Variants in LRRC53 observed in about 807,000 individuals in gnomAD.
LRRC53 encodes leucine-rich repeat-containing protein 53.
In LRRC53, 25 loss-of-function variants were observed where a neutral mutation model predicts 13.6. That is an observed-to-expected ratio of 1.83 (90% confidence interval 1.34 to 2.56). The LOEUF is 2.56. LRRC53 is among the 30% of genes most tolerant of loss of function. The pLI is 0.00. For missense variants in LRRC53, 527 were observed against 275.8 expected (o/e 1.91, Z -6.45); for synonymous variants, 204 against 109.8 (o/e 1.86, Z -5.37).
chr1:74,535,896 G>C, the LRRC53 span, among the ~76,000 whole-genome samples: 142,838 of 152,200 alleles, frequency 0.94, 67,144 homozygotes, highest in Middle Eastern at 0.97. Flanking sequence ...GTCCAACACT[G>C]TGCTAGAATC....
In LRRC53 at chr1:74,475,682, C is replaced by T. The variant is rs761468202; in HGVS notation, c.1033G>A (p.Ala345Thr). 1.4e-6 allele frequency: 1 copy of T among 714,884 alleles called. No individual in the cohort carries two copies. The highest frequency in any genetic ancestry group is 1.5e-5 in the South Asian group (1 of 67,334). The allele number at this position is 714,884 out of a possible 1,614,324, so 44.3% of individuals were successfully genotyped here. A position where few individuals can be genotyped will look rare whatever the true frequency, so the allele number is the denominator to read the frequency against. Residue 345 changes from alanine to threonine, a missense_variant, in exon 4 of 5, where the codon GCA becomes ACA. Transcript: ENST00000294635. ...TFDEPLCAHEARNYHTKGYCN... is the reference protein window; with the variant it reads ...TFDEPLCAHETRNYHTKGYCN... ...TATCCCTTAGTGTGGTAATTTCTTGCCTCATGAGCACACAGGGGTTCATCG... is the reference window on the plus strand; with the variant it reads ...TATCCCTTAGTGTGGTAATTTCTTGTCTCATGAGCACACAGGGGTTCATCG...
At chr1:74,531,942 T>C in the LRRC53 span, among the ~76,000 whole-genome samples, 1 of 152,168 alleles carries the variant, frequency 6.6e-6, no homozygotes, top group Non-Finnish European at 1.5e-5. Context: ...AAAATCCAAA[T>C]GGCTAAATCA....
chr1:74,509,509 C>G (rs1670069919), intron 1 of LRRC53, among the ~76,000 whole-genome samples: 1 of 152,044 alleles, frequency 6.6e-6, no homozygotes, highest in African/African-American at 2.4e-5. Flanking sequence ...TAAAAATTGT[C>G]CTTTATTGTT....
the LRRC53 span, among the ~76,000 whole-genome samples, chr1:74,517,970 A>G: frequency 6.6e-6 from 1 of 152,174 alleles, no homozygotes; most frequent in East Asian, 1.9e-4. Flanking sequence ...TACTTAAAGT[A>G]ACAATCTTTG....
chr1:74,481,144 T>A (rs1327485731), intron 2 of LRRC53, among the ~76,000 whole-genome samples, 176 bp from the exon 3 acceptor site: 1 of 152,232 alleles, frequency 6.6e-6, no homozygotes, highest in Non-Finnish European at 1.5e-5. Context: ...GGAAGCTGGC[T>A]ATATATCAAA....
the LRRC53 span, among the ~76,000 whole-genome samples, chr1:74,529,986 G>A: frequency 2.6e-5 from 4 of 151,996 alleles, no homozygotes; most frequent in Non-Finnish European, 5.9e-5. Context: ...TTGTTTTGAG[G>A]CAGGGTCTTA....
chr1:74,520,093 C>G, the LRRC53 span, among the ~76,000 whole-genome samples: 1 of 152,108 alleles, frequency 6.6e-6, no homozygotes, highest in African/African-American at 2.4e-5. Context: ...GATTTTGGAG[C>G]ACCCATCACC....
rs898690532 is a variant in LRRC53 at position 74,469,496 on chromosome 1, T to C, written c.*382A>G. ...TATTGTAATACCACTAATTGAGATA[T>C]GTATAATAATTTACATGAAATAAAC... On this transcript the variant is annotated 3_prime_UTR_variant, in exon 5 of 5. Coordinates refer to ENST00000294635, the MANE Select transcript of LRRC53 (RefSeq NM_001382280.1). The C allele has an allele frequency of 3.1e-5, 5 of 158,786 alleles. No homozygotes were observed. The South Asian group carries it at 1.0e-3, about 32-fold the overall frequency. 9.8% of individuals were successfully genotyped at this position (158,786 alleles called of 1,614,324 possible).
Position 74,470,373 on chromosome 1 carries a change from C to A in LRRC53, c.3249G>T (p.Glu1083Asp), listed in dbSNP as rs1484711452. Reference sequence around the variant, plus strand: ...TCTTGCTTTCATCAAGCATATTTTTCTCTTCTTTCCCTACTATTTTTATCT... The same window carrying A: ...TCTTGCTTTCATCAAGCATATTTTTATCTTCTTTCCCTACTATTTTTATCT... ...ALEIKIVGKE[E>D]KNMLDESKTD... The change falls in exon 5 of 5, where the codon GAG (glutamate) becomes GAT (aspartate). Residue 1083 changes from glutamate (E) to aspartate (D), a missense_variant. By Grantham distance (45) the Glu-to-Asp change is conservative (BLOSUM62 2). Transcript: ENST00000294635. 2.5e-6 allele frequency: 1 copy of A among 400,468 alleles called. No homozygotes were observed. The highest frequency in any genetic ancestry group is 4.4e-6 in the Non-Finnish European group (1 of 226,162). The allele number at this position is 400,468 out of a possible 1,614,324, so 24.8% of individuals were successfully genotyped here. A position where few individuals can be genotyped will look rare whatever the true frequency, so the allele number is the denominator to read the frequency against.
At chr1:74,516,598 G>C (rs1431557647), upstream of LRRC53, among the ~76,000 whole-genome samples, 6 of 152,158 alleles carry the variant, frequency 3.9e-5, no homozygotes, top group Non-Finnish European at 7.3e-5. Context: ...TGCTGCTTGA[G>C]ACCTGGACCG....
upstream of LRRC53, among the ~76,000 whole-genome samples, chr1:74,515,863 A>T (rs984167): frequency 0.082 from 12,443 of 152,270 alleles, 1,126 homozygotes; most frequent in African/African-American, 0.22. Flanking sequence ...ATTAGTTATT[A>T]AAAGGACTAT....
chr1:74,533,700 G>A, the LRRC53 span, among the ~76,000 whole-genome samples: 2 of 151,564 alleles, frequency 1.3e-5, no homozygotes, highest in Non-Finnish European at 2.9e-5. Context: ...AAGAAAATGT[G>A]GCACATATAC....
Position 74,469,746 on chromosome 1 carries a change from C to A in LRRC53, c.*132G>T. ...AACTCTGGTTTTATTTTATTGATAA[C>A]AAAGAGTTACTGAGGACGTTGTTGT... On this transcript the variant is annotated 3_prime_UTR_variant, in exon 5 of 5. Coordinates refer to ENST00000294635, the MANE Select transcript of LRRC53 (RefSeq NM_001382280.1). 2.5e-6 allele frequency: 1 copy of A among 395,726 alleles called. No homozygotes were observed. 24.5% of individuals were successfully genotyped at this position (395,726 alleles called of 1,614,324 possible).
chr1:74,502,989 A>T (rs1669712011), intron 1 of LRRC53, among the ~76,000 whole-genome samples: 1 of 152,222 alleles, frequency 6.6e-6, no homozygotes, highest in South Asian at 2.1e-4. Context: ...ACACTTGTGG[A>T]CTAGCTTTGA....
the LRRC53 span, among the ~76,000 whole-genome samples, chr1:74,530,538 A>G: frequency 6.6e-6 from 1 of 152,160 alleles, no homozygotes; most frequent in African/African-American, 2.4e-5. Context: ...AAAAATCATC[A>G]AATAGAACTA....
the LRRC53 span, among the ~76,000 whole-genome samples, chr1:74,527,893 G>A: frequency 3.7e-4 from 56 of 152,288 alleles, no homozygotes; most frequent in African/African-American, 1.3e-3. Flanking sequence ...TGGTGGATGG[G>A]AGTGGTGGGT....
In LRRC53 at chr1:74,475,290, C is replaced by T. The variant is rs1438212513; in HGVS notation, c.1420+5G>A. The T allele has an allele frequency of 1.6e-6, 1 of 632,984 alleles. No homozygotes were observed. The highest frequency in any genetic ancestry group is 2.7e-5 in the East Asian group (1 of 36,424). 39.2% of individuals were successfully genotyped at this position (632,984 alleles called of 1,614,324 possible). On this transcript the variant is annotated splice_donor_5th_base_variant and intron_variant, in intron 4 of 4. Coordinates refer to ENST00000294635, the MANE Select transcript of LRRC53 (RefSeq NM_001382280.1). ...GTGGGATTTTCTAAAACAAGACAAA[C>T]TCACCTTCTGTTCTTATTATATGGT...
chr1:74,510,734 C>T (rs1385217689), intron 1 of LRRC53, among the ~76,000 whole-genome samples: 1 of 152,162 alleles, frequency 6.6e-6, no homozygotes, highest in African/African-American at 2.4e-5. Flanking sequence ...ATATGGCTAG[C>T]ATTGAAAAGT....
rs748607593 is a variant in LRRC53, at chr1:74,475,410, A to C, written c.1305T>G (p.Phe435Leu). Residue 435 changes from phenylalanine to leucine, a missense_variant, in exon 4 of 5, where the codon TTT (phenylalanine) becomes TTG (leucine). Physicochemically the swap from Phe to Leu is conservative, Grantham distance 22. Coordinates refer to ENST00000294635, the MANE Select transcript of LRRC53 (RefSeq NM_001382280.1). ...CSEPPGNMRA[F>L]NEAGLLTTYN... ...ATGTTGTAAGTAAGCCTGCTTCATT[A>C]AAAGCTCTCATATTTCCAGGAGGCT... 1.4e-6 allele frequency: 1 copy of C among 717,176 alleles called. No individual in the cohort carries two copies. 44.4% of individuals were successfully genotyped at this position (717,176 alleles called of 1,614,324 possible).
Sources: gnomAD v4.1 joint callset for allele counts (sites outside exome capture counted in the v4.1 genomes callset) on GRCh38, gnomAD v4.1.1 for gene constraint, MANE v1.5 for transcripts, NCBI Gene and HGNC (gene_info 2026-07-23, HGNC 2026-07-21) for gene names.